Variants in CSMD1 observed in about 807,000 individuals in gnomAD.
CSMD1 encodes CUB and sushi domain-containing protein 1.
In CSMD1, 213 loss-of-function variants were observed where a neutral mutation model predicts 417.5. The observed-to-expected ratio is 0.51, with a 90% CI of 0.46 to 0.57. The LOEUF is 0.57. CSMD1 is among the 20% of genes least tolerant of loss of function. The pLI is 0.00. For synonymous variants in CSMD1, 2,862 were observed against 1,736.8 expected (o/e 1.65, Z -16.11); for missense variants, 6,923 against 4,529.7 (o/e 1.53, Z -15.17).
intron 3 of CSMD1, among the ~76,000 whole-genome samples, chr8:4,064,822 C>G (rs1799161259): frequency 6.6e-6 from 1 of 152,006 alleles, no homozygotes; most frequent in South Asian, 2.1e-4. Context: ...TTATTTATAT[C>G]TATATCATGT....
intron 3 of CSMD1, among the ~76,000 whole-genome samples, chr8:4,290,412 G>A (rs1463413502): frequency 6.6e-6 from 1 of 152,182 alleles, no homozygotes; most frequent in East Asian, 1.9e-4. Flanking sequence ...GATCAGAAAG[G>A]TCTCTAACAT....
rs375685600 is a variant in CSMD1 at position 3,716,596 on chromosome 8, G to A, written c.932-8105C>T. Among the ~76,000 whole-genome samples the A allele has an allele frequency of 1.9e-4, 29 of 152,226 alleles. No homozygotes were observed. The South Asian group carries it at 5.8e-3, about 31-fold the overall frequency. ...GGAGATTTGCGCCGGCTTCTTTACT[G>A]CAACCTATTTCATCAGGAAGGACTT... On this transcript the variant is annotated intron_variant, in intron 6 of 69. Transcript: ENST00000635120.
At chr8:3,072,735 G>A (rs1170990456) in intron 49 of CSMD1, among the ~76,000 whole-genome samples, 3 of 152,182 alleles carry the variant, frequency 2.0e-5, no homozygotes, top group Admixed American at 6.5e-5. Flanking sequence ...CACTTGGAGT[G>A]AAGGCATGAG....
intron 12 of CSMD1, among the ~76,000 whole-genome samples, chr8:3,441,359 T>A (rs1052902143): frequency 6.6e-6 from 1 of 152,132 alleles, no homozygotes; most frequent in Non-Finnish European, 1.5e-5. Flanking sequence ...ATGCTTTTTG[T>A]GCATCGACTG....
intron 5 of CSMD1, among the ~76,000 whole-genome samples, chr8:3,830,128 T>G (rs1802289826): frequency 6.6e-6 from 1 of 152,212 alleles, no homozygotes; most frequent in Non-Finnish European, 1.5e-5. Flanking sequence ...GAGTAATTTC[T>G]CTGATATCAT....
At chr8:3,029,273 AATCTAGG>A in intron 51 of CSMD1, 39 bp downstream of exon 51, 3 of 1,505,864 alleles carry the variant, frequency 2.0e-6, no homozygotes, top group Non-Finnish European at 1.8e-6. Context: ...CATCTAGAAT[AATCTAGG>A]ATGCCGTGAC....
intron 2 of CSMD1, among the ~76,000 whole-genome samples, chr8:4,445,200 G>T (rs980139110): frequency 1.3e-5 from 2 of 151,946 alleles, no homozygotes; most frequent in Non-Finnish European, 2.9e-5. Flanking sequence ...GCAGAATCCT[G>T]GTTAAGACTA....
chr8:3,866,961 G>GA (rs1433737527), intron 5 of CSMD1, among the ~76,000 whole-genome samples: 1 of 152,154 alleles, frequency 6.6e-6, no homozygotes, highest in East Asian at 1.9e-4. Context: ...CCATTTTCAT[G>GA]AAAAACCATT....
At chr8:4,379,342 G>C (rs1007817690) in intron 3 of CSMD1, among the ~76,000 whole-genome samples, 2 of 152,196 alleles carry the variant, frequency 1.3e-5, no homozygotes, top group Non-Finnish European at 2.9e-5. Context: ...CAAATTGGAG[G>C]AGATTCAGGA....
chr8:4,606,401 G>A (rs1300468121), intron 2 of CSMD1, among the ~76,000 whole-genome samples: 1 of 152,086 alleles, frequency 6.6e-6, no homozygotes, highest in South Asian at 2.1e-4. Flanking sequence ...GAGGCTTCTT[G>A]CTTGTTCCTG....
At chr8:4,854,580 G>A (rs1801681224) in intron 1 of CSMD1, among the ~76,000 whole-genome samples, 1 of 152,204 alleles carries the variant, frequency 6.6e-6, no homozygotes, top group Admixed American at 6.5e-5. Context: ...CTGAAGCAGG[G>A]CGAGGCATTG....
rs775523550 is a variant in CSMD1, at chr8:3,998,070, G to C, written c.651C>G (p.Ser217Arg). The stretch of plus-strand genomic sequence containing the variant: ...AAGGGAAGTGCGGGCTGGAGATGGA[G>C]CTGCTGGTCCCGCGTAAGGTTCCTC... ...ACGGTLRGTS[S>R]SISSPHFPSE... The change falls in exon 5 of 70, where the codon AGC (serine) becomes AGG (arginine). Residue 217 changes from serine to arginine, a missense_variant. Ser to Arg is a moderately radical substitution (Grantham distance 110). Coordinates refer to ENST00000635120, the MANE Select transcript of CSMD1 (RefSeq NM_033225.6). 2.5e-6 allele frequency: 4 copies of C among 1,590,908 alleles called. No homozygotes were observed. The highest frequency in any genetic ancestry group is 3.4e-6 in the Non-Finnish European group (4 of 1,168,042).
intron 40 of CSMD1, among the ~76,000 whole-genome samples, chr8:3,149,022 T>G (rs1030106375): frequency 6.6e-6 from 1 of 152,214 alleles, no homozygotes; most frequent in Admixed American, 6.5e-5. Flanking sequence ...CCTCAGGCTA[T>G]GCAATATCCA....
At chr8:4,663,235 C>A (rs373672433) in intron 1 of CSMD1, among the ~76,000 whole-genome samples, 1 of 152,204 alleles carries the variant, frequency 6.6e-6, no homozygotes, top group African/African-American at 2.4e-5. Flanking sequence ...CCGATTTTTA[C>A]TGCTGACTTT....
chr8:4,248,620 C>G (rs140096515), intron 3 of CSMD1, among the ~76,000 whole-genome samples: 13 of 152,238 alleles, frequency 8.5e-5, no homozygotes, highest in South Asian at 2.1e-4. Context: ...TCGAAAAGAC[C>G]TTTTCTGATC....
At chr8:3,098,485 A>G (rs1411793652) in intron 46 of CSMD1, among the ~76,000 whole-genome samples, 2 of 152,216 alleles carry the variant, frequency 1.3e-5, no homozygotes, top group Non-Finnish European at 2.9e-5. Flanking sequence ...ATCATAAAAC[A>G]TTTCATAGAA....
rs569350071 is a variant in CSMD1, at chr8:4,293,764, A to G, written c.415+126189T>C. Reference sequence around the variant, plus strand: ...AGCACAGATATTTTTGTCTTATATCAGTTTGGTACAAATAAAACAAGGAAC... The same window carrying G: ...AGCACAGATATTTTTGTCTTATATCGGTTTGGTACAAATAAAACAAGGAAC... On this transcript the variant is annotated intron_variant, in intron 3 of 69. Transcript: ENST00000635120. Among the ~76,000 whole-genome samples, 120 of 152,336 alleles carry G rather than the reference A, an allele frequency of 7.9e-4. 1 individual carries two copies. Among genetic ancestry groups the G allele is most frequent in the African/African-American group, 2.8e-3 (116 of 41,586 alleles).
intron 26 of CSMD1, among the ~76,000 whole-genome samples, chr8:3,241,897 G>T (rs955966187): frequency 1.3e-5 from 2 of 151,768 alleles, no homozygotes; most frequent in African/African-American, 4.8e-5. Context: ...TTGAGGGCTG[G>T]AATTTAATTT....
intron 1 of CSMD1, among the ~76,000 whole-genome samples, chr8:4,866,287 G>C (rs1052648331): frequency 1.3e-5 from 2 of 151,832 alleles, no homozygotes; most frequent in Non-Finnish European, 2.9e-5. Context: ...TAGTACTCTT[G>C]CAAATATTTT....
Sources: allele counts gnomAD v4.1 joint callset (sites outside exome capture counted in the v4.1 genomes callset), GRCh38; gene constraint gnomAD v4.1.1; transcripts MANE v1.5; gene names NCBI Gene and HGNC (gene_info 2026-07-23, HGNC 2026-07-21).